Variants in ZNF845 observed in about 807,000 individuals in gnomAD.
ZNF845 encodes the protein zinc finger protein 845.
In ZNF845, 59 loss-of-function variants were observed where a neutral mutation model predicts 76.1. That is an observed-to-expected ratio of 0.78 (90% CI 0.63 to 0.96). The LOEUF is 0.96. ZNF845 is among the 40% of genes least tolerant of loss of function. ZNF845 has a pLI of 0.00. For synonymous variants in ZNF845, 361 were observed against 386.9 expected (o/e 0.93, Z 0.78); for missense variants, 1,045 against 1,172.8 (o/e 0.89, Z 1.59).
rs933313717 is a variant in ZNF845, at chr19:53,340,901, G to T, written c.-73-334G>T. ...GTTCATGTGGGCTGTCCCTCTGCTG[G>T]AACTCGCTGGCCCCTCAGCTGCAGG... On this transcript the variant is annotated intron_variant, in intron 1 of 3. Transcript: ENST00000458035. The T allele has an allele frequency of 1.3e-5, 5 of 389,486 alleles. No homozygotes were observed. The East Asian group carries it at 1.5e-4, about 11-fold the overall frequency. 24.1% of individuals were successfully genotyped at this position (389,486 alleles called of 1,614,324 possible). A position where few individuals can be genotyped will look rare whatever the true frequency, so the allele number is the denominator to read the frequency against.
chr19:53,348,579 C>A (rs561999978), intron 3 of ZNF845, among the ~76,000 whole-genome samples: 3 of 152,328 alleles, frequency 2.0e-5, no homozygotes, highest in South Asian at 2.1e-4. Context: ...AGAATAAGAA[C>A]TTTGAACCTG....
chr19:53,352,154 A>G lies in ZNF845; in HGVS notation c.1479A>G (p.Lys493=). The change falls in exon 4 of 4, where the codon AAA becomes AAG. Residue 493 remains lysine, a synonymous_variant. Transcript: ENST00000458035. ...ATCGTAGACTTCATACTGGAGAGAA[A>G]CCTTACAAATGTGAAGAATGTGATG... ...VYHRRLHTGE[K]PYKCEECDEA... The G allele has an allele frequency of 6.2e-7, 1 of 1,614,070 alleles. No individual in the cohort carries two copies. The highest frequency in any genetic ancestry group is 8.5e-7 in the Non-Finnish European group (1 of 1,179,956).
intron 2 of ZNF845, among the ~76,000 whole-genome samples, chr19:53,343,539 G>C (rs1472906635): frequency 6.6e-6 from 1 of 152,094 alleles, no homozygotes; most frequent in Non-Finnish European, 1.5e-5. Flanking sequence ...CTACCAAGAT[G>C]TGATTCTTCT....
In ZNF845 at chr19:53,344,613, AT is replaced by A. The variant is rs200298916; in HGVS notation, c.16-889del. ...ATTTTTATTTTATTTTATTTATTTT[AT>A]TTTATTTTATTTTATTTTATTTTAT... On this transcript the variant is annotated intron_variant, in intron 2 of 3. Coordinates refer to ENST00000458035, the MANE Select transcript of ZNF845 (RefSeq NM_138374.3). Among the ~76,000 whole-genome samples the A allele has an allele frequency of 2.5e-3, 330 of 134,308 alleles. 3 individuals carry two copies. The highest frequency in any genetic ancestry group is 9.3e-3 in the African/African-American group (312 of 33,458). 88.1% of individuals were successfully genotyped at this position (134,308 alleles called of 152,430 possible). A position where few individuals can be genotyped will look rare whatever the true frequency, so the allele number is the denominator to read the frequency against.
At chr19:53,340,358 C>T (rs1478787676) in intron 1 of ZNF845, among the ~76,000 whole-genome samples, 3 of 152,134 alleles carry the variant, frequency 2.0e-5, no homozygotes, top group Admixed American at 6.6e-5. Context: ...AGCCTCATCT[C>T]GTGGCTTTAA....
chr19:53,338,858 A>G (rs187411388), intron 1 of ZNF845, among the ~76,000 whole-genome samples: 1 of 151,066 alleles, frequency 6.6e-6, no homozygotes, highest in East Asian at 1.9e-4. Flanking sequence ...AGGCAGGCAG[A>G]TGATGAAGTC....
intron 3 of ZNF845, among the ~76,000 whole-genome samples, chr19:53,346,679 T>C (rs2085299183): frequency 6.6e-6 from 1 of 152,122 alleles, no homozygotes; most frequent in Non-Finnish European, 1.5e-5. Flanking sequence ...ACACTCTGTC[T>C]CAAAAAAATA....
chr19:53,334,109 G>A (rs2085195307), intron 1 of ZNF845, among the ~76,000 whole-genome samples: 1 of 152,136 alleles, frequency 6.6e-6, no homozygotes, highest in Admixed American at 6.5e-5. Flanking sequence ...GCGGATTCCC[G>A]CCCTTGGCGC....
chr19:53,340,625 G>A (rs10405991), intron 1 of ZNF845, among the ~76,000 whole-genome samples: 7,233 of 152,246 alleles, frequency 0.048, 380 homozygotes, highest in African/African-American at 0.13. Context: ...TAATTACATT[G>A]TTTATAAGGG....
chr19:53,346,181 T>C (rs1011246720), intron 3 of ZNF845, among the ~76,000 whole-genome samples: 1 of 152,208 alleles, frequency 6.6e-6, no homozygotes. Context: ...TACCGTTGTG[T>C]TTCTGTTTCA....
intron 1 of ZNF845, chr19:53,337,099 G>A (rs773367735): frequency 3.1e-5 from 14 of 456,658 alleles, no homozygotes; most frequent in Non-Finnish European, 6.2e-5. Context: ...GCCTCCTCCT[G>A]GGAGCTTGCC....
At chr19:53,345,386 T>C in intron 2 of ZNF845, 120 bp from the exon 3 acceptor site, 1 of 1,573,252 alleles carries the variant, frequency 6.4e-7, no homozygotes, top group Non-Finnish European at 8.6e-7. Flanking sequence ...AATCCCTTAC[T>C]CGGATTTGTC....
intron 3 of ZNF845, among the ~76,000 whole-genome samples, chr19:53,349,490 G>A (rs867087472): frequency 2.9e-4 from 43 of 150,590 alleles, no homozygotes; most frequent in Middle Eastern, 3.5e-3. Context: ...GGATGGTCTC[G>A]ATCTCCTGAC....
chr19:53,350,432 G>A (rs149135849), intron 3 of ZNF845, among the ~76,000 whole-genome samples: 15 of 152,108 alleles, frequency 9.9e-5, no homozygotes, highest in South Asian at 2.1e-4. Context: ...TGGTCTTTTA[G>A]CATTTATTTG....
In ZNF845 at chr19:53,353,925, G is replaced by A. The variant is rs545907778; in HGVS notation, c.*337G>A. The A allele has an allele frequency of 2.2e-6, 2 of 898,992 alleles. No individual in the cohort carries two copies. Among genetic ancestry groups the A allele is most frequent in the South Asian group, 1.7e-5 (1 of 59,486 alleles). 55.7% of individuals were successfully genotyped at this position (898,992 alleles called of 1,614,324 possible). On this transcript the variant is annotated 3_prime_UTR_variant, in exon 4 of 4. Transcript: ENST00000458035. ...ATCCATAATGAGAGATTTTGAAAGT[G>A]TAATAAATGTGGCAAATTTTTCAGA...
intron 1 of ZNF845, among the ~76,000 whole-genome samples, chr19:53,338,316 C>CATCT (rs766331303): frequency 6.6e-6 from 1 of 152,196 alleles, no homozygotes; most frequent in Non-Finnish European, 1.5e-5. Flanking sequence ...AGTGCCGAGG[C>CATCT]ATCTCCATTT....
At position 53,353,675 on chromosome 19, in the gene ZNF845, G is replaced by C. The variant is rs1214814373; in HGVS notation, c.*87G>C. 6.6e-6 allele frequency: 10 copies of C among 1,518,364 alleles called. No individual in the cohort carries two copies. The highest frequency in any genetic ancestry group is 8.8e-6 in the Non-Finnish European group (10 of 1,136,690). 94.1% of individuals were successfully genotyped at this position (1,518,364 alleles called of 1,614,324 possible). On this transcript the variant is annotated 3_prime_UTR_variant, in exon 4 of 4. Transcript: ENST00000458035. ...CATACTGGAGAGAAAGCTTACAAAT[G>C]TAAGAGTTTGTGACAAGAATCTTGG...
chr19:53,345,477 C>A, intron 2 of ZNF845, 29 bp from the exon 3 acceptor site: 1 of 1,613,526 alleles, frequency 6.2e-7, no homozygotes, highest in Non-Finnish European at 8.5e-7. Flanking sequence ...CTCCCATAAC[C>A]ATTTCCTTAA....
At position 53,352,667 on chromosome 19, in the gene ZNF845, G is replaced by A. The variant is rs1599990186; in HGVS notation, c.1992G>A (p.Arg664=). 1 of 1,613,018 alleles carries A rather than the reference G, an allele frequency of 6.2e-7. No individual in the cohort carries two copies. The highest frequency in any genetic ancestry group is 8.5e-7 in the Non-Finnish European group (1 of 1,179,702). The change falls in exon 4 of 4, where the codon AGG becomes AGA. Residue 664 remains arginine, a synonymous_variant. Transcript: ENST00000458035. ...TTCATACTGGAGAGAAACCTTACAG[G>A]TGTAATGAATGTGGCAAGACCTTTA... is the stretch of plus-strand genomic sequence containing the variant. ...RRIHTGEKPY[R]CNECGKTFSR... is the part of the protein sequence containing the mutation.
Sources: allele counts gnomAD v4.1 joint callset (sites outside exome capture counted in the v4.1 genomes callset), GRCh38; gene constraint gnomAD v4.1.1; transcripts MANE v1.5; gene names NCBI Gene and HGNC (gene_info 2026-07-23, HGNC 2026-07-21).